Variants in CTBP2 observed in about 807,000 individuals in gnomAD.
The protein encoded by CTBP2 is C-terminal-binding protein 2.
CTBP2 carries 30 observed loss-of-function variants against 80.3 expected under a neutral mutation model. That is an observed-to-expected ratio of 0.37 (90% confidence interval 0.28 to 0.51). The LOEUF is 0.51. Ranked by LOEUF, CTBP2 falls within the 20% of genes least tolerant of loss-of-function variation. The probability of loss-of-function intolerance (pLI) is 0.93; values close to 1 mark genes in which losing one functional copy is unlikely to be tolerated. For missense variants in CTBP2, 1,212 were observed against 1,375.3 expected (o/e 0.88, Z 1.88); for synonymous variants, 594 against 587.4 (o/e 1.01, Z -0.16).
At chr10:125,141,810 CAGTG>C (rs1857876852) in intron 1 of CTBP2, among the ~76,000 whole-genome samples, 1 of 152,204 alleles carries the variant, frequency 6.6e-6, no homozygotes, top group Admixed American at 6.5e-5. Context: ...AGCAAGTACA[CAGTG>C]AGCACGCGGC....
At chr10:125,013,505 C>T (rs1422939349) in intron 1 of CTBP2, among the ~76,000 whole-genome samples, 2 of 152,198 alleles carry the variant, frequency 1.3e-5, no homozygotes, top group Non-Finnish European at 2.9e-5. Context: ...CCCAAACACA[C>T]AGGGAGTCAA....
intron 3 of CTBP2, 133 bp downstream of exon 3, chr10:125,038,864 A>G (rs112692189): frequency 7.1e-6 from 6 of 850,360 alleles, no homozygotes; most frequent in African/African-American, 3.4e-5. Context: ...GAGGGTGCCA[A>G]TGGTATGCAG....
intron 3 of CTBP2, 96 bp from the exon 6 acceptor site, chr10:124,998,266 T>C (rs1953930221): frequency 7.2e-7 from 1 of 1,397,260 alleles, no homozygotes; most frequent in Non-Finnish European, 9.8e-7. Flanking sequence ...ACTCGGTTGT[T>C]GGCACCGGGG....
In CTBP2 at chr10:124,988,447, CATT is replaced by C. The variant is rs1177692312; in HGVS notation, c.*1068_*1070del. ...TAAAACAAAACATACTTCTGATAGCCATTATTTTTCTGTTTGGGACAATTTTAA... is the reference window on the plus strand; with the variant it reads ...TAAAACAAAACATACTTCTGATAGCCATTTTTCTGTTTGGGACAATTTTAA... On this transcript the variant is annotated 3_prime_UTR_variant, in exon 9 of 9. Coordinates refer to ENST00000309035, the MANE Select transcript of CTBP2 (RefSeq NM_022802.3). The C allele has an allele frequency of 6.6e-6, 1 of 152,564 alleles. No homozygotes were observed. The highest frequency in any genetic ancestry group is 1.5e-5 in the Non-Finnish European group (1 of 68,020). The allele number at this position is 152,564 out of a possible 1,614,324, so 9.5% of individuals were successfully genotyped here. A position where few individuals can be genotyped will look rare whatever the true frequency, so the allele number is the denominator to read the frequency against.
At chr10:125,070,714 G>A (rs1371949902) in intron 2 of CTBP2, among the ~76,000 whole-genome samples, 1 of 152,072 alleles carries the variant, frequency 6.6e-6, no homozygotes, top group East Asian at 1.9e-4. Flanking sequence ...TGCCCAGGCT[G>A]GAGTGCAGTG....
chr10:125,059,763 G>A (rs917294982), intron 2 of CTBP2, among the ~76,000 whole-genome samples: 6 of 151,542 alleles, frequency 4.0e-5, no homozygotes, highest in Non-Finnish European at 7.4e-5. Flanking sequence ...CTCTCGCCCC[G>A]CCAATTTCCT....
At chr10:125,045,427 C>T (rs1960981927) in intron 2 of CTBP2, among the ~76,000 whole-genome samples, 1 of 151,062 alleles carries the variant, frequency 6.6e-6, no homozygotes, top group African/African-American at 2.4e-5. Context: ...GGGTGTCTGA[C>T]TTCCTATACA....
At chr10:125,005,742 C>T (rs1323377081) in intron 1 of CTBP2, 2 of 1,612,932 alleles carry the variant, frequency 1.2e-6, no homozygotes. Context: ...TGTTTCAGTA[C>T]ACTCTTCTGG....
rs75478486 is a variant in CTBP2, at chr10:125,132,375, C to A, written c.-205-21282G>T. 1.9e-4 allele frequency among the ~76,000 whole-genome samples: 29 copies of A among 152,208 alleles called. No homozygotes were observed. The East Asian group carries it at 5.6e-3, about 29-fold the overall frequency. ...ACTTGAGTCCAGAGATGTTAAAGTG[C>A]TGAAAAACCAATACAGTGTCTTCAA... is the stretch of plus-strand genomic sequence containing the variant. On this transcript the variant is annotated intron_variant, in intron 1 of 10. Coordinates refer to the CTBP2 transcript ENST00000337195.
At chr10:125,136,325 G>A (rs993948604) in intron 1 of CTBP2, among the ~76,000 whole-genome samples, 12 of 152,184 alleles carry the variant, frequency 7.9e-5, no homozygotes, top group Non-Finnish European at 1.3e-4. Flanking sequence ...GGGCTCCCCA[G>A]GCCCCAGACA....
At chr10:125,045,080 T>C (rs1481757410) in intron 2 of CTBP2, among the ~76,000 whole-genome samples, 1 of 152,214 alleles carries the variant, frequency 6.6e-6, no homozygotes, top group Non-Finnish European at 1.5e-5. Context: ...ACAGTGATTG[T>C]ATCTGGGTGC....
chr10:125,066,280 C>A lies in CTBP2; in HGVS notation c.-101-27125G>T, dbSNP rs1844620912. 6.6e-6 allele frequency among the ~76,000 whole-genome samples: 1 copy of A among 152,104 alleles called. No homozygotes were observed. The highest frequency in any genetic ancestry group is 6.5e-5 in the Admixed American group (1 of 15,280). ...TACCAAGCCACATCCCAAATCCTAA[C>A]CCCAGCAGAGCCAGAGACTCAATGC... On this transcript the variant is annotated intron_variant, in intron 2 of 10. Coordinates refer to the CTBP2 transcript ENST00000337195. This position sits in a 1 kb window ranked among gnomAD's most constrained non-coding sequence, Gnocchi z 4.1.
At position 125,034,179 on chromosome 10, in the gene CTBP2, T is replaced by C. The variant is rs548284710; in HGVS notation, c.58+4818A>G. On this transcript the variant is annotated intron_variant, in intron 3 of 10. Coordinates refer to the CTBP2 transcript ENST00000337195. ...CAACAGAGAAATAAAACACCGAACCTGATTCACAGCTGCAGAACGGGAGGG... is the reference window on the plus strand; with the variant it reads ...CAACAGAGAAATAAAACACCGAACCCGATTCACAGCTGCAGAACGGGAGGG... Among the ~76,000 whole-genome samples the C allele has an allele frequency of 5.4e-4, 82 of 152,300 alleles. 1 individual carries two copies. The highest frequency in any genetic ancestry group is 1.9e-3 in the African/African-American group (78 of 41,546).
chr10:125,111,563 G>A (rs970223198), intron 1 of CTBP2, among the ~76,000 whole-genome samples: 11 of 152,198 alleles, frequency 7.2e-5, no homozygotes, highest in Admixed American at 3.3e-4. Context: ...TCTGATTAAC[G>A]GTTGCAGTTG....
chr10:125,155,796 C>G (rs1478752826), intron 1 of CTBP2, among the ~76,000 whole-genome samples: 1 of 152,096 alleles, frequency 6.6e-6, no homozygotes, highest in Non-Finnish European at 1.5e-5. Flanking sequence ...TGCATTTTCC[C>G]TTCTTTCCAG....
At chr10:125,077,666 C>G (rs964725288) in intron 2 of CTBP2, among the ~76,000 whole-genome samples, 2 of 152,100 alleles carry the variant, frequency 1.3e-5, no homozygotes, top group Non-Finnish European at 2.9e-5. Flanking sequence ...CAACTGGGAG[C>G]CTGCCTAAAA....
At chr10:125,011,726 C>T (rs1243772306) in intron 1 of CTBP2, among the ~76,000 whole-genome samples, 2 of 152,220 alleles carry the variant, frequency 1.3e-5, no homozygotes, top group African/African-American at 4.8e-5. Context: ...CCGCGCTATG[C>T]GGAACGGAGG....
intron 2 of CTBP2, chr10:125,100,882 CTT>C (rs1342554076): frequency 6.6e-6 from 1 of 152,178 alleles, no homozygotes; most frequent in African/African-American, 2.4e-5. Flanking sequence ...GAGATGAAGA[CTT>C]TTGAAATTTA....
intron 2 of CTBP2, among the ~76,000 whole-genome samples, chr10:125,060,536 C>G (rs1250483115): frequency 6.6e-6 from 1 of 151,518 alleles, no homozygotes; most frequent in African/African-American, 2.4e-5. Flanking sequence ...ACCTGCAACA[C>G]TGGTTCTGAG....
Sources: allele counts gnomAD v4.1 joint callset (sites outside exome capture counted in the v4.1 genomes callset), GRCh38; gene constraint gnomAD v4.1.1; non-coding constraint Gnocchi (gnomAD v3.1); transcripts MANE v1.5; gene names NCBI Gene and HGNC (gene_info 2026-07-23, HGNC 2026-07-21).